The following TENM3 variants were observed in gnomAD, a reference collection of about 807,000 sequenced individuals.
TENM3 encodes the protein teneurin transmembrane protein 3.
Under a neutral mutation model 255.1 loss-of-function variants are expected in TENM3, and 63 were observed. The ratio of observed to expected loss-of-function variants is 0.25; its 90% confidence interval spans 0.20 to 0.30. TENM3 has a LOEUF of 0.30. Among genes scored for constraint, TENM3 ranks in the 10% least tolerant of loss-of-function variants. The probability of loss-of-function intolerance (pLI) is 1.00; values close to 1 mark genes in which losing one functional copy is unlikely to be tolerated. For missense variants in TENM3, 2,929 were observed against 3,461.1 expected (o/e 0.85, Z 3.86); for synonymous variants, 1,306 against 1,322.3 (o/e 0.99, Z 0.27).
the TENM3 span, among the ~76,000 whole-genome samples, chr4:181,868,428 TTATG>T: frequency 6.6e-6 from 1 of 152,194 alleles, no homozygotes; most frequent in Non-Finnish European, 1.5e-5. Context: ...GATTTTCTAT[TTATG>T]TAACAGCTGT....
intron 1 of TENM3, among the ~76,000 whole-genome samples, chr4:182,167,376 A>G (rs1442816209): frequency 1.3e-5 from 2 of 152,226 alleles, no homozygotes; most frequent in African/African-American, 2.4e-5. Flanking sequence ...AATGAATAAC[A>G]GAAAGTTGGA....
Position 182,615,065 on chromosome 4 carries a change from A to ATTT in TENM3, c.750-13585_750-13584insTTT, listed in dbSNP as rs1373831981. ...AAAATACATATATATATATATATAT[A>ATTT]TGTATTTTTTTTTTCTTCTCCAAAT... On this transcript the variant is annotated intron_variant, in intron 4 of 27. Transcript: ENST00000511685. Among the ~76,000 whole-genome samples, 76 of 119,802 alleles carry ATTT rather than the reference A, an allele frequency of 6.3e-4. 1 individual carries two copies. The South Asian group carries it at 8.1e-3, about 13-fold the overall frequency. 78.6% of individuals were successfully genotyped at this position (119,802 alleles called of 152,430 possible).
intron 10 of TENM3, among the ~76,000 whole-genome samples, chr4:182,681,024 T>C (rs1221182123): frequency 6.6e-5 from 10 of 152,214 alleles, no homozygotes; most frequent in Admixed American, 2.6e-4. Flanking sequence ...CGGTTGATTT[T>C]ATTTTTCTTT....
chr4:182,201,441 A>G (rs1322056594), intron 1 of TENM3, among the ~76,000 whole-genome samples: 1 of 152,166 alleles, frequency 6.6e-6, no homozygotes, highest in African/African-American at 2.4e-5. Flanking sequence ...GGCCTGACTG[A>G]TGCTGTGTGA....
At chr4:181,994,544 T>C in the TENM3 span, among the ~76,000 whole-genome samples, 2 of 129,838 alleles carry the variant, frequency 1.5e-5, no homozygotes, top group African/African-American at 5.7e-5. Context: ...GGTTTTTTTG[T>C]TTTTTGTGGG....
At chr4:182,310,964 C>T (rs1024857251) in intron 1 of TENM3, among the ~76,000 whole-genome samples, 2 of 152,178 alleles carry the variant, frequency 1.3e-5, no homozygotes, top group Non-Finnish European at 2.9e-5. Flanking sequence ...CCCGCCTTGG[C>T]CTCCCAAAGT....
the TENM3 span, among the ~76,000 whole-genome samples, chr4:181,608,670 C>T: frequency 2.0e-5 from 3 of 151,832 alleles, no homozygotes; most frequent in African/African-American, 7.3e-5. Flanking sequence ...AGCATACAGA[C>T]CCAGTCTGAC....
chr4:182,422,546 G>C (rs1770913794), intron 3 of TENM3, among the ~76,000 whole-genome samples: 1 of 152,164 alleles, frequency 6.6e-6, no homozygotes, highest in African/African-American at 2.4e-5. Context: ...GGGCATCACT[G>C]AGCAGGGAAG....
the TENM3 span, among the ~76,000 whole-genome samples, chr4:181,934,317 T>A: frequency 6.6e-6 from 1 of 152,218 alleles, no homozygotes; most frequent in Non-Finnish European, 1.5e-5. Context: ...CATATTAATA[T>A]TTTAAACTGA....
At chr4:181,767,233 G>A in the TENM3 span, among the ~76,000 whole-genome samples, 1 of 126,812 alleles carries the variant, frequency 7.9e-6, no homozygotes, top group East Asian at 2.4e-4. Flanking sequence ...GCCTGGGCGA[G>A]AGTGCGAGAC....
chr4:182,152,638 C>T (rs1284092975), intron 1 of TENM3, among the ~76,000 whole-genome samples: 1 of 151,664 alleles, frequency 6.6e-6, no homozygotes. Context: ...GCTGATTTGC[C>T]AGTAAGATTT....
At chr4:181,659,569 A>G in the TENM3 span, among the ~76,000 whole-genome samples, 2 of 152,180 alleles carry the variant, frequency 1.3e-5, no homozygotes. Flanking sequence ...ATCTGAGACT[A>G]TTTCTTCTAA....
the TENM3 span, among the ~76,000 whole-genome samples, chr4:181,518,038 G>GA: frequency 0.093 from 14,087 of 151,664 alleles, 794 homozygotes; most frequent in South Asian, 0.25. Context: ...TTCATCAAGG[G>GA]AAAAAAAATA....
upstream of TENM3, among the ~76,000 whole-genome samples, chr4:182,241,935 C>A (rs181969025): frequency 1.9e-3 from 292 of 151,950 alleles, no homozygotes; most frequent in African/African-American, 6.1e-3. Flanking sequence ...GCCAGTGGAC[C>A]CTTTTCAGTT....
At chr4:182,547,943 C>T in intron 3 of TENM3, among the ~76,000 whole-genome samples, 1 of 152,046 alleles carries the variant, frequency 6.6e-6, no homozygotes. Context: ...CAAGGCCAGG[C>T]ACGATGGCTC....
chr4:182,440,205 C>A (rs1388316870), intron 3 of TENM3, among the ~76,000 whole-genome samples: 1 of 149,956 alleles, frequency 6.7e-6, no homozygotes, highest in Non-Finnish European at 1.5e-5. Flanking sequence ...CTCCGCCTCT[C>A]GGGTTCAAGC....
At chr4:182,117,813 A>G in the TENM3 span, among the ~76,000 whole-genome samples, 1 of 151,428 alleles carries the variant, frequency 6.6e-6, no homozygotes, top group Non-Finnish European at 1.5e-5. Context: ...GTCAACTCTA[A>G]GTTATGCACA....
the TENM3 span, among the ~76,000 whole-genome samples, chr4:181,775,099 G>T: frequency 6.6e-6 from 1 of 151,984 alleles, no homozygotes; most frequent in Non-Finnish European, 1.5e-5. Context: ...CCTTCCTCTG[G>T]ACTAAATATT....
the TENM3 span, among the ~76,000 whole-genome samples, chr4:181,600,581 A>C: frequency 8.8e-3 from 1,337 of 151,472 alleles, 26 homozygotes; most frequent in African/African-American, 0.031. Flanking sequence ...AGTACCTCTC[A>C]AAACTGCCTA....
Sources: gnomAD v4.1 joint callset for allele counts (sites outside exome capture counted in the v4.1 genomes callset) on GRCh38, gnomAD v4.1.1 for gene constraint, MANE v1.5 for transcripts, NCBI Gene and HGNC (gene_info 2026-07-23, HGNC 2026-07-21) for gene names.